Variants in PDLIM5 observed in about 807,000 individuals in gnomAD.
The protein encoded by PDLIM5 is PDZ and LIM domain 5, also known as PDZ and LIM domain protein 5.
A neutral mutation model predicts 64.2 loss-of-function variants in PDLIM5; 34 were observed. The ratio of observed to expected loss-of-function variants is 0.53; its 90% CI spans 0.40 to 0.71. The LOEUF is 0.71. Among genes scored for constraint, PDLIM5 ranks in the 30% least tolerant of loss-of-function variants. The pLI, the probability that PDLIM5 is intolerant of heterozygous loss-of-function variation, is 0.00. For missense variants in PDLIM5, 683 were observed against 733.6 expected (o/e 0.93, Z 0.80); for synonymous variants, 253 against 269.1 (o/e 0.94, Z 0.59).
intron 9 of PDLIM5, among the ~76,000 whole-genome samples, chr4:94,651,425 T>C (rs1263139641): frequency 6.6e-6 from 1 of 152,240 alleles, no homozygotes; most frequent in African/African-American, 2.4e-5. Context: ...TAATGGACTG[T>C]AGTTTTAATT....
At chr4:94,493,021 A>G (rs1275811650) in intron 2 of PDLIM5, among the ~76,000 whole-genome samples, 1 of 152,130 alleles carries the variant, frequency 6.6e-6, no homozygotes, top group African/African-American at 2.4e-5. Flanking sequence ...TTCTCCATAT[A>G]ACATGGCAAC....
intron 2 of PDLIM5, among the ~76,000 whole-genome samples, chr4:94,457,685 A>G (rs1195540847): frequency 1.3e-5 from 2 of 152,206 alleles, no homozygotes; most frequent in African/African-American, 4.8e-5. Context: ...TGTCTTTAAA[A>G]AAGTTTCATG....
intron 3 of PDLIM5, among the ~76,000 whole-genome samples, chr4:94,524,448 G>T (rs920808635): frequency 1.3e-5 from 2 of 151,298 alleles, no homozygotes; most frequent in African/African-American, 4.8e-5. Context: ...TCAATGGAGT[G>T]CAGGCTAAGA....
chr4:94,654,582 T>C lies in PDLIM5; in HGVS notation c.1406T>C (p.Leu469Pro). The C allele has an allele frequency of 3.7e-6, 6 of 1,612,898 alleles. No individual in the cohort carries two copies. Among genetic ancestry groups the C allele is most frequent in the Non-Finnish European group, 5.1e-6 (6 of 1,178,850 alleles). Reference protein sequence around the residue: ...VEEKGALYCELCYEKFFAPEC... With the variant: ...VEEKGALYCEPCYEKFFAPEC... ...GAGAAAGGAGCCCTGTATTGTGAGC[T>C]GTGCTATGAGAAATTCTTTGCCCCT... The change falls in exon 10 of 13, where the codon CTG becomes CCG. Residue 469 changes from leucine to proline, a missense_variant. Coordinates refer to ENST00000317968, the MANE Select transcript of PDLIM5 (RefSeq NM_006457.5).
intron 7 of PDLIM5, among the ~76,000 whole-genome samples, chr4:94,605,787 G>T (rs1737866907): frequency 6.6e-6 from 1 of 151,632 alleles, no homozygotes; most frequent in Non-Finnish European, 1.5e-5. Context: ...ATTCTCAAAT[G>T]GCACTCAGCT....
chr4:94,513,925 A>G (rs1197754140), intron 2 of PDLIM5, among the ~76,000 whole-genome samples: 5 of 132,210 alleles, frequency 3.8e-5, no homozygotes, highest in Non-Finnish European at 6.1e-5. Context: ...GAGGGTTTAT[A>G]TCATGTAGGG....
At chr4:94,648,017 G>A (rs1441648096) in intron 9 of PDLIM5, among the ~76,000 whole-genome samples, 4 of 152,160 alleles carry the variant, frequency 2.6e-5, no homozygotes, top group Non-Finnish European at 4.4e-5. Flanking sequence ...CTAAAGCAGT[G>A]CTTAGATGGA....
At chr4:94,549,244 A>C (rs757163566) in intron 3 of PDLIM5, among the ~76,000 whole-genome samples, 1 of 152,194 alleles carries the variant, frequency 6.6e-6, no homozygotes, top group South Asian at 2.1e-4. Context: ...AGGGGGTTCT[A>C]TATGGAGTAC....
chr4:94,496,994 G>C (rs1191898370), intron 2 of PDLIM5, among the ~76,000 whole-genome samples: 2 of 152,104 alleles, frequency 1.3e-5, no homozygotes, highest in African/African-American at 4.8e-5. Flanking sequence ...GCATAAAAAG[G>C]CATTAAAATT....
chr4:94,469,895 C>T (rs1233730027), intron 2 of PDLIM5, among the ~76,000 whole-genome samples: 1 of 151,160 alleles, frequency 6.6e-6, no homozygotes, highest in Non-Finnish European at 1.5e-5. Flanking sequence ...ATAGTTCTAA[C>T]ACATACATGA....
chr4:94,508,577 T>C (rs1201417830), intron 2 of PDLIM5, among the ~76,000 whole-genome samples: 1 of 152,168 alleles, frequency 6.6e-6, no homozygotes, highest in Non-Finnish European at 1.5e-5. Flanking sequence ...GAGAACATAC[T>C]TAGTAGAAAA....
chr4:94,588,010 A>G (rs1736380500), intron 7 of PDLIM5: 4 of 960,722 alleles, frequency 4.2e-6, no homozygotes, highest in Admixed American at 6.2e-5. Context: ...GAAGCTAAAT[A>G]TATGACCAGA....
intron 9 of PDLIM5, among the ~76,000 whole-genome samples, chr4:94,645,789 T>C (rs540528082): frequency 6.6e-6 from 1 of 152,316 alleles, no homozygotes; most frequent in South Asian, 2.1e-4. Flanking sequence ...AGAGTTTGTG[T>C]GTTTGTGATG....
rs947930926 is a variant in PDLIM5 at position 94,643,011 on chromosome 4, A to G, written c.1283+2561A>G. 3.9e-5 allele frequency among the ~76,000 whole-genome samples: 6 copies of G among 152,138 alleles called. 1 individual carries two copies. Among genetic ancestry groups the G allele is most frequent in the Non-Finnish European group, 8.8e-5 (6 of 68,004 alleles). On this transcript the variant is annotated intron_variant, in intron 9 of 12. Coordinates refer to ENST00000317968, the MANE Select transcript of PDLIM5 (RefSeq NM_006457.5). ...CAATATTTCGAATTTGCCAAAAACC[A>G]TTTTTTATGTAAAGGCAAACTAAAG...
chr4:94,630,513 A>G (rs1478183425), intron 8 of PDLIM5, among the ~76,000 whole-genome samples: 1 of 152,020 alleles, frequency 6.6e-6, no homozygotes, highest in African/African-American at 2.4e-5. Context: ...AGCTAGGATT[A>G]CAGGCACGCA....
chr4:94,584,753 G>T, intron 5 of PDLIM5: 2 of 454,260 alleles, frequency 4.4e-6, no homozygotes, highest in Non-Finnish European at 7.9e-6. Flanking sequence ...ATTTAATTTC[G>T]TGAAAGCCAA....
intron 2 of PDLIM5, chr4:94,488,932 G>C (rs1726598859): frequency 6.6e-6 from 1 of 152,256 alleles, no homozygotes; most frequent in Non-Finnish European, 1.5e-5. Context: ...TGAGGTAGCA[G>C]TACTACGGAA....
At chr4:94,497,352 A>G (rs1727489108) in intron 2 of PDLIM5, among the ~76,000 whole-genome samples, 1 of 152,190 alleles carries the variant, frequency 6.6e-6, no homozygotes, top group Non-Finnish European at 1.5e-5. Flanking sequence ...TTGATTTTTC[A>G]TCCTAATAGT....
chr4:94,622,513 C>T (rs1207951241), intron 8 of PDLIM5, among the ~76,000 whole-genome samples: 7 of 152,094 alleles, frequency 4.6e-5, no homozygotes, highest in African/African-American at 1.2e-4. Context: ...GATCTGGACC[C>T]GTTGTTCATT....
Sources: allele counts gnomAD v4.1 joint callset (sites outside exome capture counted in the v4.1 genomes callset), GRCh38; gene constraint gnomAD v4.1.1; transcripts MANE v1.5; gene names NCBI Gene and HGNC (gene_info 2026-07-23, HGNC 2026-07-21).